RSRP1: variants seen among roughly 807,000 people sequenced by gnomAD.
The protein encoded by RSRP1 is arginine and serine rich protein 1.
Under a neutral mutation model 33.0 loss-of-function variants are expected in RSRP1, and 37 were observed. That is an observed-to-expected ratio of 1.12 (90% CI 0.86 to 1.48). The LOEUF (loss-of-function observed/expected upper bound fraction) is 1.48. Ranked by LOEUF, RSRP1 falls within the 40% of genes most tolerant of loss-of-function variation. RSRP1 has a pLI of 0.00. For synonymous variants in RSRP1, 167 were observed against 158.7 expected, an observed-to-expected ratio of 1.05 and a Z score of -0.40; for missense variants, 402 against 385.3, an observed-to-expected ratio of 1.04 and a Z score of -0.36.
rs1381878159 is a variant in RSRP1, at chr1:25,332,586, T to A, written c.-67+5392A>T. 4.5e-5 allele frequency among the ~76,000 whole-genome samples: 6 copies of A among 131,984 alleles called. 2 individuals are homozygous for A. The highest frequency in any genetic ancestry group is 1.6e-4 in the African/African-American group (6 of 38,670). 86.6% of individuals were successfully genotyped at this position (131,984 alleles called of 152,430 possible). ...CCACACTGCGAACCATATTACCTAA[T>A]AATCCAACCTGCTTGTAATTCACTT... On this transcript the variant is annotated intron_variant, in intron 1 of 1. Transcript: ENST00000561867.
chr1:25,297,608 C>T (rs1200677583), intron 1 of RSRP1, among the ~76,000 whole-genome samples: 1 of 131,710 alleles, frequency 7.6e-6, no homozygotes, highest in African/African-American at 2.6e-5. Flanking sequence ...TAAGGAAAAG[C>T]TTTCGCTTCT....
Position 25,243,565 on chromosome 1 carries a change from T to C in RSRP1, c.741A>G (p.Ile247Met). ...ATATACTTACATTAGAGCTAAAAGCTATGCTTCTTTGCTGGGTAGGTTTTT... is the reference window on the plus strand; with the variant it reads ...ATATACTTACATTAGAGCTAAAAGCCATGCTTCTTTGCTGGGTAGGTTTTT... ...PNEKPTQQRSIAFSSNNSVAK... is the reference protein window; with the variant it reads ...PNEKPTQQRSMAFSSNNSVAK... The change falls in exon 4 of 5, where the codon ATA becomes ATG. Residue 247 changes from isoleucine (I) to methionine (M), a missense_variant. Physicochemically the swap from Ile to Met is conservative, Grantham distance 10 (BLOSUM62 1). Transcript: ENST00000243189. 6.2e-7 allele frequency: 1 copy of C among 1,613,882 alleles called. No homozygotes were observed. The highest frequency in any genetic ancestry group is 1.3e-5 in the African/African-American group (1 of 75,058).
chr1:25,282,141 G>A (rs879235343), intron 1 of RSRP1, among the ~76,000 whole-genome samples: 2 of 132,248 alleles, frequency 1.5e-5, no homozygotes, highest in South Asian at 2.3e-4. Context: ...CTCTCAGGTG[G>A]GTCTAATTAC....
chr1:25,331,637 G>A (rs1472008683), intron 1 of RSRP1, among the ~76,000 whole-genome samples: 1 of 110,368 alleles, frequency 9.1e-6, no homozygotes, highest in East Asian at 2.2e-4. Context: ...GTGCAATCTC[G>A]GCTCACTGAA....
At chr1:25,318,390 C>T (rs1245042914) in intron 1 of RSRP1, 3 of 131,660 alleles carry the variant, frequency 2.3e-5, no homozygotes, top group Admixed American at 2.2e-4. Context: ...GAGTTCGAGA[C>T]CAGCCTGACC....
intron 4 of RSRP1, 93 bp downstream of exon 4, chr1:25,243,457 G>A: frequency 2.0e-6 from 3 of 1,463,550 alleles, no homozygotes; most frequent in Non-Finnish European, 2.8e-6. Flanking sequence ...GTGTCAGTAG[G>A]CCCCCAACTA....
rs1392313330 is a variant in RSRP1, at chr1:25,307,378, A to T, written c.-67+30600T>A. On this transcript the variant is annotated intron_variant, in intron 1 of 1. Coordinates refer to the RSRP1 transcript ENST00000561867. ...CAGAGCCCTAGCCATTACTTCCTGG[A>T]TGTTGTGTGAATATTTTCTGGACAT... Among the ~76,000 whole-genome samples, 2 of 131,406 alleles carry T rather than the reference A, an allele frequency of 1.5e-5. 1 individual carries two copies. The highest frequency in any genetic ancestry group is 5.2e-5 in the African/African-American group (2 of 38,182). The allele number at this position is 131,406 out of a possible 152,430, so 86.2% of individuals were successfully genotyped here.
At chr1:25,284,880 T>C in intron 1 of RSRP1, 1 of 1,103,856 alleles carries the variant, frequency 9.1e-7, no homozygotes, top group Admixed American at 2.1e-5. Flanking sequence ...GTGCAATATT[T>C]AGGACATCCT....
At chr1:25,245,432 G>T in intron 2 of RSRP1, 131 bp from the exon 3 acceptor site, 1 of 1,267,710 alleles carries the variant, frequency 7.9e-7, no homozygotes, top group Non-Finnish European at 1.1e-6. Flanking sequence ...TTTATAATAG[G>T]TAAACTAAGG....
intron 1 of RSRP1, among the ~76,000 whole-genome samples, chr1:25,318,739 G>T (rs1571744407): frequency 7.5e-6 from 1 of 132,824 alleles, no homozygotes; most frequent in African/African-American, 2.6e-5. Context: ...ACTATGAGTT[G>T]TGTGACGTTG....
chr1:25,267,618 T>A (rs1481656721), intron 1 of RSRP1: 1 of 125,024 alleles, frequency 8.0e-6, no homozygotes, highest in African/African-American at 2.7e-5. Flanking sequence ...AAGTCCTGAG[T>A]AGCGCTGTGT....
chr1:25,318,163 A>G (rs28689927), intron 1 of RSRP1: 36,110 of 129,552 alleles, frequency 0.28, 12,103 homozygotes, highest in Middle Eastern at 0.59. Context: ...CTCTACTAAA[A>G]ATTAAAAAAT....
chr1:25,243,156 C>G (rs1342467304), intron 4 of RSRP1, among the ~76,000 whole-genome samples: 1 of 151,974 alleles, frequency 6.6e-6, no homozygotes, highest in Non-Finnish European at 1.5e-5. Flanking sequence ...TAGCTTGATT[C>G]AAAAAGTGAA....
At position 25,307,035 on chromosome 1, in the gene RSRP1, G is replaced by A. The variant is rs527761269; in HGVS notation, c.-67+30943C>T. 2.2e-5 allele frequency: 8 copies of A among 359,624 alleles called. 1 individual carries two copies. In the Admixed American group the frequency reaches 2.8e-4, roughly 13 times the overall value. The allele number at this position is 359,624 out of a possible 1,614,324, so 22.3% of individuals were successfully genotyped here. ...TAGGCCCAAGCCAATTGAGACTGTG[G>A]TTCAGGTCGTGATGCAGAGCTTTGC... is the stretch of plus-strand genomic sequence containing the variant. On this transcript the variant is annotated intron_variant, in intron 1 of 1. Coordinates refer to the RSRP1 transcript ENST00000561867.
Position 25,307,384 on chromosome 1 carries a change from T to C in RSRP1, c.-67+30594A>G, listed in dbSNP as rs1302687071. ...CCTAGCCATTACTTCCTGGATGTTG[T>C]GTGAATATTTTCTGGACATGGCTTA... On this transcript the variant is annotated intron_variant, in intron 1 of 1. Coordinates refer to the RSRP1 transcript ENST00000561867. Among the ~76,000 whole-genome samples the C allele has an allele frequency of 8.4e-5, 11 of 131,578 alleles. 4 individuals are homozygous for C. Among genetic ancestry groups the C allele is most frequent in the Admixed American group, 8.1e-4 (11 of 13,550 alleles). The allele number at this position is 131,578 out of a possible 152,430, so 86.3% of individuals were successfully genotyped here.
chr1:25,266,186 T>C (rs1296617064), intron 1 of RSRP1: 1 of 132,714 alleles, frequency 7.5e-6, no homozygotes, highest in African/African-American at 2.5e-5. Flanking sequence ...AATGACAAAT[T>C]AAGCATGTAT....
chr1:25,259,527 G>A (rs1485637356), intron 1 of RSRP1, among the ~76,000 whole-genome samples: 1 of 150,134 alleles, frequency 6.7e-6, no homozygotes, highest in African/African-American at 2.5e-5. Context: ...TTTTTGAAAC[G>A]GAGTCTCACT....
intron 1 of RSRP1, among the ~76,000 whole-genome samples, chr1:25,318,671 CAT>C (rs1486909919): frequency 7.5e-6 from 1 of 132,606 alleles, no homozygotes; most frequent in African/African-American, 2.6e-5. Flanking sequence ...GTTAGACACC[CAT>C]ATATGTGTCC....
chr1:25,261,495 C>G (rs912275115), intron 1 of RSRP1, among the ~76,000 whole-genome samples: 1 of 151,306 alleles, frequency 6.6e-6, no homozygotes, highest in East Asian at 1.9e-4. Context: ...ATCTCCGCCT[C>G]CCAGGTTCAC....
Sources: allele counts gnomAD v4.1 joint callset (sites outside exome capture counted in the v4.1 genomes callset), GRCh38; gene constraint gnomAD v4.1.1; transcripts MANE v1.5; gene names NCBI Gene and HGNC (gene_info 2026-07-23, HGNC 2026-07-21).